Variants in CDH8 observed in about 807,000 individuals in gnomAD.
CDH8 encodes the protein cadherin-8.
In CDH8, 17 loss-of-function variants were observed where a neutral mutation model predicts 68.1. That is an observed-to-expected ratio of 0.25 (90% CI 0.17 to 0.37). The LOEUF (loss-of-function observed/expected upper bound fraction) is 0.37, where lower values mean the gene tolerates loss of function less well. CDH8 is among the 10% of genes least tolerant of loss of function. The pLI, the probability that CDH8 is intolerant of heterozygous loss-of-function variation, is 1.00. For synonymous variants in CDH8, 372 were observed against 365.1 expected, an observed-to-expected ratio of 1.02 and a Z score of -0.21; for missense variants, 763 against 999.3, an observed-to-expected ratio of 0.76 and a Z score of 3.19.
chr16:61,947,277 T>C (rs11075446), intron 2 of CDH8, among the ~76,000 whole-genome samples: 1,990 of 152,328 alleles, frequency 0.013, 77 homozygotes, highest in East Asian at 0.11. Context: ...CAATAAAATA[T>C]TTTTATATGA....
chr16:61,900,300 G>A (rs915622533), intron 3 of CDH8, among the ~76,000 whole-genome samples: 2 of 152,034 alleles, frequency 1.3e-5, no homozygotes, highest in Non-Finnish European at 2.9e-5. Flanking sequence ...TTACTACATA[G>A]CATGCACCCT....
intron 10 of CDH8, among the ~76,000 whole-genome samples, chr16:61,688,008 C>T (rs1040263911): frequency 5.3e-5 from 8 of 152,044 alleles, no homozygotes; most frequent in Admixed American, 3.3e-4. Flanking sequence ...TGAAATAACT[C>T]ATCTCGTAAC....
chr16:61,868,275 T>A (rs1963292717), intron 3 of CDH8, among the ~76,000 whole-genome samples: 1 of 152,188 alleles, frequency 6.6e-6, no homozygotes, highest in Non-Finnish European at 1.5e-5. Flanking sequence ...TTTATTTTTC[T>A]CCCTAGCACT....
chr16:61,681,039 G>A (rs1422681146), intron 10 of CDH8, among the ~76,000 whole-genome samples: 1 of 151,876 alleles, frequency 6.6e-6, no homozygotes, highest in Non-Finnish European at 1.5e-5. Flanking sequence ...TGTTTGTGGA[G>A]ACAGGGAGAA....
chr16:61,823,755 A>G (rs1962267214), intron 5 of CDH8, among the ~76,000 whole-genome samples: 1 of 151,886 alleles, frequency 6.6e-6, no homozygotes, highest in South Asian at 2.1e-4. Flanking sequence ...GAATCCAAGT[A>G]TGGCTAATTT....
chr16:61,780,345 T>G (rs1261241554), intron 8 of CDH8, among the ~76,000 whole-genome samples: 4 of 152,216 alleles, frequency 2.6e-5, no homozygotes, highest in Non-Finnish European at 5.9e-5. Context: ...CAGGATAACA[T>G]GTTAGATCCA....
chr16:61,695,158 C>T (rs956855429), intron 10 of CDH8, among the ~76,000 whole-genome samples: 1 of 151,772 alleles, frequency 6.6e-6, no homozygotes, highest in African/African-American at 2.4e-5. Context: ...CATTGGAGTC[C>T]GAGAGGGGAA....
intron 10 of CDH8, among the ~76,000 whole-genome samples, chr16:61,711,957 C>A (rs1303249393): frequency 6.6e-6 from 1 of 151,632 alleles, no homozygotes; most frequent in Non-Finnish European, 1.5e-5. Flanking sequence ...CTTTCTGTTT[C>A]AAGTTATTTT....
chr16:61,739,912 T>C (rs1256674717), intron 8 of CDH8, among the ~76,000 whole-genome samples: 1 of 69,442 alleles, frequency 1.4e-5, no homozygotes, highest in Non-Finnish European at 2.6e-5. Flanking sequence ...TATATATATA[T>C]GTATTTTTTT....
chr16:61,849,454 G>C (rs1270794670), intron 4 of CDH8, among the ~76,000 whole-genome samples: 2 of 152,114 alleles, frequency 1.3e-5, no homozygotes, highest in Non-Finnish European at 2.9e-5. Flanking sequence ...GAGAACTCCT[G>C]TGCTATGCCA....
In CDH8 at chr16:61,830,945, G is replaced by C. The variant is rs1314425486; in HGVS notation, c.668-5766C>G. Among the ~76,000 whole-genome samples, 3 of 151,744 alleles carry C rather than the reference G, an allele frequency of 2.0e-5. No homozygotes were observed. In the East Asian group the frequency reaches 5.8e-4, roughly 30 times the overall value. ...TAAATTTCCAACAGTAATGTTTCTA[G>C]GGTTTAGATTTAGACCATTTCATAA... On this transcript the variant is annotated intron_variant, in intron 4 of 11. Coordinates refer to ENST00000577390, the MANE Select transcript of CDH8 (RefSeq NM_001796.5).
intron 7 of CDH8, among the ~76,000 whole-genome samples, chr16:61,808,647 TC>T (rs1387852500): frequency 6.6e-6 from 1 of 152,182 alleles, no homozygotes; most frequent in African/African-American, 2.4e-5. Context: ...CTACTAACAT[TC>T]TTTAAATTAT....
At position 61,817,868 on chromosome 16, in the gene CDH8, C is replaced by T. The variant is rs1596993607; in HGVS notation, c.1024-136G>A. The T allele has an allele frequency of 4.2e-6, 3 of 714,096 alleles. No individual in the cohort carries two copies. In the East Asian group the frequency reaches 8.5e-5, roughly 20 times the overall value. 44.2% of individuals were successfully genotyped at this position (714,096 alleles called of 1,614,324 possible). ...GCCTTAATGGGATCACTCTCCAGTCCCCCAGATTCAACCTGTAAATTTTAT... is the reference window on the plus strand; with the variant it reads ...GCCTTAATGGGATCACTCTCCAGTCTCCCAGATTCAACCTGTAAATTTTAT... On this transcript the variant is annotated intron_variant, in intron 6 of 11. Coordinates refer to ENST00000577390, the MANE Select transcript of CDH8 (RefSeq NM_001796.5).
At chr16:61,858,233 G>C (rs1299563260) in intron 3 of CDH8, among the ~76,000 whole-genome samples, 1 of 152,144 alleles carries the variant, frequency 6.6e-6, no homozygotes, top group African/African-American at 2.4e-5. Context: ...GTCCAGCACA[G>C]ACAGGGTGAT....
At chr16:61,920,411 AAAAC>A (rs1279961403) in intron 2 of CDH8, among the ~76,000 whole-genome samples, 4 of 149,362 alleles carry the variant, frequency 2.7e-5, no homozygotes, top group South Asian at 2.1e-4. Context: ...TTACAAGAAA[AAAAC>A]AAACAACCCC....
chr16:61,876,581 G>A (rs1443762623), intron 3 of CDH8, among the ~76,000 whole-genome samples: 1 of 151,936 alleles, frequency 6.6e-6, no homozygotes, highest in Non-Finnish European at 1.5e-5. Context: ...CAGGAAGAAG[G>A]CCTCTGCTTG....
chr16:61,832,331 A>AATAGATAG (rs35346881), intron 4 of CDH8, among the ~76,000 whole-genome samples: 10,300 of 143,082 alleles, frequency 0.072, 366 homozygotes, highest in East Asian at 0.1. Context: ...ACAGATAGAT[A>AATAGATAG]ATAGATAGAT....
At chr16:62,017,146 C>T (rs956659429) in intron 2 of CDH8, among the ~76,000 whole-genome samples, 1 of 151,936 alleles carries the variant, frequency 6.6e-6, no homozygotes, top group African/African-American at 2.4e-5. Context: ...CTGAGCAGTT[C>T]CTATATGCAG....
At chr16:61,749,324 G>A (rs1487358924) in intron 8 of CDH8, among the ~76,000 whole-genome samples, 1 of 151,956 alleles carries the variant, frequency 6.6e-6, no homozygotes, top group African/African-American at 2.4e-5. Context: ...ATCTTGCAAG[G>A]GTTTGAAAGA....
Sources: gnomAD v4.1 joint callset for allele counts (sites outside exome capture counted in the v4.1 genomes callset) on GRCh38, gnomAD v4.1.1 for gene constraint, MANE v1.5 for transcripts, NCBI Gene and HGNC (gene_info 2026-07-23, HGNC 2026-07-21) for gene names.